The following EFNA5 variants were observed in gnomAD, a reference collection of about 807,000 sequenced individuals.
EFNA5 encodes the protein ephrin-A5.
In EFNA5, 5 loss-of-function variants were observed where a neutral mutation model predicts 22.9. The ratio of observed to expected loss-of-function variants is 0.22; its 90% CI spans 0.11 to 0.46. The LOEUF is 0.46. Ranked by LOEUF, EFNA5 falls within the 20% of genes least tolerant of loss-of-function variation. EFNA5 has a pLI of 0.99. For missense variants in EFNA5, 237 were observed against 293.3 expected (o/e 0.81, Z 1.40); for synonymous variants, 113 against 112.2 (o/e 1.01, Z -0.04).
At chr5:107,409,020 C>T (rs544789146) in intron 2 of EFNA5, among the ~76,000 whole-genome samples, 3 of 152,314 alleles carry the variant, frequency 2.0e-5, no homozygotes, top group Admixed American at 2.0e-4. Flanking sequence ...AGGTGATAAA[C>T]TCCACATCAA....
At chr5:107,406,249 TATTA>T (rs2112395669) in intron 2 of EFNA5, among the ~76,000 whole-genome samples, 1 of 151,594 alleles carries the variant, frequency 6.6e-6, no homozygotes, top group African/African-American at 2.4e-5. Flanking sequence ...TGTATACAAA[TATTA>T]ATTGTGGTTT....
At chr5:107,488,823 C>A (rs1292937237) in intron 1 of EFNA5, among the ~76,000 whole-genome samples, 1 of 152,158 alleles carries the variant, frequency 6.6e-6, no homozygotes. Flanking sequence ...TCCCAAGTAG[C>A]TGGGATTACA....
Position 107,659,632 on chromosome 5 carries a change from G to A in EFNA5, c.125+10857C>T, listed in dbSNP as rs1482652318. On this transcript the variant is annotated intron_variant, in intron 1 of 4. Transcript: ENST00000333274. ...GAGAGATTTACATAATAAATGAAGTGATTAGCTCTCAAATAACCAGATGTC... is the reference window on the plus strand; with the variant it reads ...GAGAGATTTACATAATAAATGAAGTAATTAGCTCTCAAATAACCAGATGTC... Among the ~76,000 whole-genome samples, 4 of 150,322 alleles carry A rather than the reference G, an allele frequency of 2.7e-5. 1 individual carries two copies. The South Asian group carries it at 6.2e-4, about 23-fold the overall frequency.
rs1173551283 is a variant in EFNA5, at chr5:107,606,324, C to T, written c.125+64165G>A. Among the ~76,000 whole-genome samples the T allele has an allele frequency of 2.0e-5, 3 of 152,064 alleles. No homozygotes were observed. The East Asian group carries it at 5.8e-4, about 29-fold the overall frequency. ...TAAGGCTTTAATGCAGAGTAAAGAA[C>T]AGATTAGAATAGCATTGGCCTCAAC... On this transcript the variant is annotated intron_variant, in intron 1 of 4. Coordinates refer to ENST00000333274, the MANE Select transcript of EFNA5 (RefSeq NM_001962.3).
At chr5:107,505,102 G>T (rs909856533) in intron 1 of EFNA5, among the ~76,000 whole-genome samples, 1 of 152,048 alleles carries the variant, frequency 6.6e-6, no homozygotes, top group Admixed American at 6.6e-5. Flanking sequence ...ACTTGGCAAT[G>T]ATCTCCATTC....
At chr5:107,462,392 C>A (rs1442388416) in intron 1 of EFNA5, among the ~76,000 whole-genome samples, 2 of 152,116 alleles carry the variant, frequency 1.3e-5, no homozygotes, top group African/African-American at 2.4e-5. Context: ...AATGAACAAA[C>A]AGGACAAATG....
In EFNA5 at chr5:107,441,981, GC is replaced by G. The variant is rs1193391487; in HGVS notation, c.126-14473del. Among the ~76,000 whole-genome samples the G allele has an allele frequency of 3.9e-5, 6 of 152,208 alleles. No individual in the cohort carries two copies. The South Asian group carries it at 1.2e-3, about 32-fold the overall frequency. On this transcript the variant is annotated intron_variant, in intron 1 of 4. Coordinates refer to ENST00000333274, the MANE Select transcript of EFNA5 (RefSeq NM_001962.3). ...TGATAAAGGTTTTGACTCAACAACAGCTACAACCATCTTACTAGAGTTGAGA... is the reference window on the plus strand; with the variant it reads ...TGATAAAGGTTTTGACTCAACAACAGTACAACCATCTTACTAGAGTTGAGA...
rs1435519185 is a variant in EFNA5 at position 107,663,392 on chromosome 5, C to T, written c.125+7097G>A. ...TTATTTTAAATCATTAATAGCAAAG[C>T]GATTTTTAAAACAGGTCTAATCAAT... On this transcript the variant is annotated intron_variant, in intron 1 of 4. Coordinates refer to ENST00000333274, the MANE Select transcript of EFNA5 (RefSeq NM_001962.3). 2.0e-5 allele frequency among the ~76,000 whole-genome samples: 3 copies of T among 152,132 alleles called. No individual in the cohort carries two copies. The East Asian group carries it at 5.8e-4, about 29-fold the overall frequency.
chr5:107,538,480 A>G (rs1471507477), intron 1 of EFNA5, among the ~76,000 whole-genome samples: 3 of 152,240 alleles, frequency 2.0e-5, no homozygotes, highest in Non-Finnish European at 4.4e-5. Flanking sequence ...ACTGAGGAAC[A>G]TAAGAATGGT....
chr5:107,664,291 A>G (rs531307942), intron 1 of EFNA5, among the ~76,000 whole-genome samples: 61 of 152,110 alleles, frequency 4.0e-4, no homozygotes, highest in Non-Finnish European at 7.6e-4. Context: ...AAACTTGATT[A>G]ATTTTTAATT....
chr5:107,670,304 G>A (rs1468598222), intron 1 of EFNA5, among the ~76,000 whole-genome samples, 185 bp downstream of exon 1: 1 of 152,138 alleles, frequency 6.6e-6, no homozygotes, highest in Non-Finnish European at 1.5e-5. Flanking sequence ...TTTCCGCGGC[G>A]GCTTAACAAA....
At position 107,482,260 on chromosome 5, in the gene EFNA5, C is replaced by G. The variant is rs952073635; in HGVS notation, c.126-54751G>C. 5.3e-5 allele frequency among the ~76,000 whole-genome samples: 8 copies of G among 149,714 alleles called. No homozygotes were observed. In the Admixed American group the frequency reaches 5.4e-4, roughly 10 times the overall value. ...GACAGAGGTTGCAGTGAGCCGAGGT[C>G]GTGCCACTGTACTCCAGCCTGGGTG... On this transcript the variant is annotated intron_variant, in intron 1 of 4. Coordinates refer to ENST00000333274, the MANE Select transcript of EFNA5 (RefSeq NM_001962.3).
intron 2 of EFNA5, among the ~76,000 whole-genome samples, chr5:107,418,290 TAC>T (rs1378671829): frequency 6.6e-6 from 1 of 152,214 alleles, no homozygotes; most frequent in Non-Finnish European, 1.5e-5. Context: ...TGTAACACTG[TAC>T]ACACACGTGA....
intron 1 of EFNA5, among the ~76,000 whole-genome samples, chr5:107,446,747 G>T (rs1176344782): frequency 7.1e-6 from 1 of 141,718 alleles, no homozygotes; most frequent in Non-Finnish European, 1.5e-5. Flanking sequence ...AAAAACTTTA[G>T]AAATAAAAAA....
At chr5:107,460,042 A>T in intron 1 of EFNA5, among the ~76,000 whole-genome samples, 1 of 152,150 alleles carries the variant, frequency 6.6e-6, no homozygotes, top group East Asian at 1.9e-4. Flanking sequence ...TTTCTGGTTT[A>T]AAATCAGGAA....
chr5:107,558,718 G>A (rs191202682), intron 1 of EFNA5, among the ~76,000 whole-genome samples: 108 of 152,276 alleles, frequency 7.1e-4, no homozygotes, highest in African/African-American at 2.2e-3. Context: ...ACCTAATTAC[G>A]TCTGGACTTA....
intron 1 of EFNA5, among the ~76,000 whole-genome samples, chr5:107,657,589 C>T (rs563569670): frequency 1.1e-4 from 17 of 152,220 alleles, no homozygotes; most frequent in Admixed American, 3.3e-4. Context: ...AAAATATTTG[C>T]TTCTGTTTTA....
At chr5:107,485,675 G>T (rs934853498) in intron 1 of EFNA5, among the ~76,000 whole-genome samples, 1 of 152,136 alleles carries the variant, frequency 6.6e-6, no homozygotes, top group Non-Finnish European at 1.5e-5. Flanking sequence ...CGGAACTGGG[G>T]TTTGCTTCAC....
chr5:107,421,384 A>T (rs1271978228), intron 2 of EFNA5, among the ~76,000 whole-genome samples: 3 of 152,192 alleles, frequency 2.0e-5, no homozygotes, highest in Non-Finnish European at 4.4e-5. Context: ...CTTCTTTATT[A>T]TAGATCTCTC....
Sources: allele counts gnomAD v4.1 joint callset (sites outside exome capture counted in the v4.1 genomes callset), GRCh38; gene constraint gnomAD v4.1.1; transcripts MANE v1.5; gene names NCBI Gene and HGNC (gene_info 2026-07-23, HGNC 2026-07-21).